Variants in STX17 observed in about 807,000 individuals in gnomAD.
STX17 encodes the protein syntaxin-17.
Under a neutral mutation model 35.9 loss-of-function variants are expected in STX17, and 29 were observed. That is an observed-to-expected ratio of 0.81 (90% confidence interval 0.60 to 1.10). STX17 has a LOEUF of 1.10. STX17 is among the 50% of genes least tolerant of loss of function. The pLI is 0.00. For synonymous variants in STX17, 92 were observed against 118.3 expected, an observed-to-expected ratio of 0.78 and a Z score of 1.44; for missense variants, 312 against 352.3, an observed-to-expected ratio of 0.89 and a Z score of 0.92.
intron 3 of STX17, among the ~76,000 whole-genome samples, chr9:99,940,849 G>A (rs1292947883): frequency 1.3e-5 from 2 of 152,104 alleles, no homozygotes; most frequent in Non-Finnish European, 2.9e-5. Context: ...TTTCTGCTAT[G>A]GCATCATACA....
chr9:99,928,933 C>G (rs1829050205), intron 3 of STX17, 90 bp downstream of exon 3: 1 of 1,073,252 alleles, frequency 9.3e-7, no homozygotes, highest in Admixed American at 2.1e-5. Flanking sequence ...CAGCTGAACC[C>G]TTTTATACAC....
At chr9:99,962,556 T>G (rs1276736666) in intron 6 of STX17, among the ~76,000 whole-genome samples, 3 of 152,184 alleles carry the variant, frequency 2.0e-5, no homozygotes, top group Non-Finnish European at 2.9e-5. Flanking sequence ...ATGTACAAAG[T>G]TCTTACTCAG....
intron 1 of STX17, 41 bp downstream of exon 1, chr9:99,906,747 C>T (rs1464074479): frequency 1.3e-5 from 2 of 152,212 alleles, no homozygotes; most frequent in Admixed American, 6.5e-5. Flanking sequence ...GGCGTCGGGC[C>T]CTCACAGGCT....
intron 6 of STX17, among the ~76,000 whole-genome samples, chr9:99,962,102 GCATTC>G (rs1238581893): frequency 6.6e-6 from 1 of 151,932 alleles, no homozygotes; most frequent in Non-Finnish European, 1.5e-5. Context: ...TGCTTCTTTT[GCATTC>G]CTTCTACAAT....
chr9:99,966,248 T>C (rs1374630339), intron 6 of STX17, among the ~76,000 whole-genome samples: 1 of 152,208 alleles, frequency 6.6e-6, no homozygotes, highest in African/African-American at 2.4e-5. Flanking sequence ...AAAGGAAAAC[T>C]GATAAGGGAC....
intron 2 of STX17, among the ~76,000 whole-genome samples, chr9:99,916,359 T>C (rs933465701): frequency 6.6e-6 from 1 of 152,156 alleles, no homozygotes; most frequent in Non-Finnish European, 1.5e-5. Flanking sequence ...AAAAGACTTT[T>C]CCCAGCATAA....
intron 4 of STX17, among the ~76,000 whole-genome samples, chr9:99,954,640 T>G (rs1257884760): frequency 6.6e-6 from 1 of 152,044 alleles, no homozygotes; most frequent in African/African-American, 2.4e-5. Context: ...ATACTTATTA[T>G]AGTAGCAACA....
intron 1 of STX17, chr9:99,914,273 G>T (rs1346536630): frequency 6.6e-6 from 1 of 152,178 alleles, no homozygotes; most frequent in Non-Finnish European, 1.5e-5. Context: ...TGGCATGAAA[G>T]CATGGTGTAC....
At chr9:99,955,398 A>G (rs554617724) in intron 4 of STX17, among the ~76,000 whole-genome samples, 56 of 152,008 alleles carry the variant, frequency 3.7e-4, no homozygotes, top group Middle Eastern at 3.2e-3. Context: ...TTAAGTCTTC[A>G]TTTGCAGCTA....
chr9:99,925,896 A>G (rs1828976778), intron 2 of STX17, among the ~76,000 whole-genome samples: 1 of 152,042 alleles, frequency 6.6e-6, no homozygotes, highest in South Asian at 2.1e-4. Context: ...TCTCAAATGT[A>G]GAAAATCTTT....
At chr9:99,936,492 C>A (rs1459216770) in intron 3 of STX17, among the ~76,000 whole-genome samples, 1 of 152,092 alleles carries the variant, frequency 6.6e-6, no homozygotes, top group Non-Finnish European at 1.5e-5. Context: ...AAAACAACTT[C>A]TCTTGTTCTC....
intron 3 of STX17, chr9:99,929,095 C>G (rs534940535): frequency 1.9e-5 from 6 of 309,384 alleles, no homozygotes; most frequent in Non-Finnish European, 3.6e-5. Flanking sequence ...TTGTAAAATC[C>G]TTTAACATTG....
chr9:99,949,776 A>G (rs1829555313), intron 3 of STX17, among the ~76,000 whole-genome samples: 1 of 152,068 alleles, frequency 6.6e-6, no homozygotes, highest in Non-Finnish European at 1.5e-5. Flanking sequence ...TGTTCTATTT[A>G]ATCTTAAAGG....
At chr9:99,915,459 A>T in intron 2 of STX17, 97 bp downstream of exon 2, 1 of 1,428,696 alleles carries the variant, frequency 7.0e-7, no homozygotes, top group Non-Finnish European at 9.3e-7. Context: ...GATAAGAGGC[A>T]TTGCTGAAAC....
intron 3 of STX17, among the ~76,000 whole-genome samples, chr9:99,942,561 A>G (rs1829388668): frequency 6.6e-6 from 1 of 152,118 alleles, no homozygotes; most frequent in South Asian, 2.1e-4. Flanking sequence ...ATCATAGCTC[A>G]CTGCTGTCTC....
intron 2 of STX17, among the ~76,000 whole-genome samples, chr9:99,928,490 C>G (rs1465106459): frequency 6.6e-6 from 1 of 152,000 alleles, no homozygotes; most frequent in African/African-American, 2.4e-5. Context: ...TTTTCCATCT[C>G]CAGAGAGTTT....
Position 99,915,367 on chromosome 9 carries a change from G to A in STX17, c.123+5G>A. 6.3e-7 allele frequency: 1 copy of A among 1,582,438 alleles called. No individual in the cohort carries two copies. ...CACCAGATAAATATTGAGAAGGTGA[G>A]CTGTTTCATTTACTACCACAAGAAA... On this transcript the variant is annotated splice_donor_5th_base_variant and intron_variant, in intron 2 of 7. Coordinates refer to ENST00000259400, the MANE Select transcript of STX17 (RefSeq NM_017919.3).
At chr9:99,949,469 T>C (rs1198069766) in intron 3 of STX17, among the ~76,000 whole-genome samples, 1 of 152,022 alleles carries the variant, frequency 6.6e-6, no homozygotes, top group Non-Finnish European at 1.5e-5. Flanking sequence ...TATAGTTTAG[T>C]GGAAAGATTG....
intron 1 of STX17, among the ~76,000 whole-genome samples, chr9:99,911,227 G>A (rs548577530): frequency 3.2e-4 from 49 of 152,100 alleles, no homozygotes; most frequent in African/African-American, 1.2e-3. Flanking sequence ...TAGTAGAGAC[G>A]GGGTTTCACC....
Sources: allele counts gnomAD v4.1 joint callset (sites outside exome capture counted in the v4.1 genomes callset), GRCh38; gene constraint gnomAD v4.1.1; transcripts MANE v1.5; gene names NCBI Gene and HGNC (gene_info 2026-07-23, HGNC 2026-07-21).